LAMA1: variants seen among roughly 807,000 people sequenced by gnomAD.
The protein encoded by LAMA1 is laminin subunit alpha 1.
A neutral mutation model predicts 348.7 loss-of-function variants in LAMA1; 219 were observed. That is an observed-to-expected ratio of 0.63 (90% CI 0.56 to 0.70). The LOEUF is 0.70. Ranked by LOEUF, LAMA1 falls within the 30% of genes least tolerant of loss-of-function variation. The probability of loss-of-function intolerance (pLI) is 0.00; values close to 1 mark genes in which losing one functional copy is unlikely to be tolerated. For missense variants in LAMA1, 3,744 were observed against 3,888.0 expected, an observed-to-expected ratio of 0.96 and a Z score of 0.99; for synonymous variants, 1,487 against 1,491.0, an observed-to-expected ratio of 1.00 and a Z score of 0.06.
chr18:7,008,640 C>G (rs1304637992), intron 27 of LAMA1, 32 bp from the exon 28 acceptor site: 1 of 1,612,326 alleles, frequency 6.2e-7, no homozygotes. Flanking sequence ...AGAGGAAACG[C>G]TAACATTTGA....
At chr18:6,975,102 T>C in intron 45 of LAMA1, 66 bp from the exon 46 acceptor site, 1 of 1,546,866 alleles carries the variant, frequency 6.5e-7, no homozygotes, top group African/African-American at 1.4e-5. Context: ...ACCACAACAC[T>C]TTACAGAGTC....
chr18:7,034,057 C>T (rs570604), intron 14 of LAMA1, among the ~76,000 whole-genome samples: 69,463 of 152,026 alleles, frequency 0.46, 17,121 homozygotes, highest in African/African-American at 0.65. Context: ...AACTTTTATG[C>T]TTGGCACGGC....
chr18:6,971,118 C>T (rs1410079323), intron 48 of LAMA1, among the ~76,000 whole-genome samples: 1 of 152,200 alleles, frequency 6.6e-6, no homozygotes, highest in East Asian at 1.9e-4. Flanking sequence ...TGTTACATTT[C>T]TCTAACGGAA....
chr18:6,967,972 C>G (rs973365872), intron 48 of LAMA1, among the ~76,000 whole-genome samples: 4 of 152,108 alleles, frequency 2.6e-5, no homozygotes, highest in African/African-American at 9.7e-5. Flanking sequence ...TGAACATGAC[C>G]GAAGGCTTGT....
chr18:7,061,803 C>T (rs1340481307), intron 3 of LAMA1, among the ~76,000 whole-genome samples: 2 of 152,224 alleles, frequency 1.3e-5, no homozygotes, highest in Admixed American at 1.3e-4. Flanking sequence ...CTCCCTCCTG[C>T]ATCACAGCCT....
intron 1 of LAMA1, among the ~76,000 whole-genome samples, chr18:7,109,552 C>T (rs2058327433): frequency 6.6e-6 from 1 of 152,264 alleles, no homozygotes; most frequent in African/African-American, 2.4e-5. Context: ...TGGTATATTG[C>T]AGCCTGTGCA....
At chr18:6,985,158 A>G (rs2057728410) in intron 39 of LAMA1, 79 bp downstream of exon 39, 4 of 1,517,318 alleles carry the variant, frequency 2.6e-6, no homozygotes, top group Non-Finnish European at 3.7e-6. Context: ...GTGACCCATC[A>G]CTGTGAATAG....
intron 17 of LAMA1, 76 bp downstream of exon 17, chr18:7,025,903 C>G: frequency 6.5e-7 from 1 of 1,547,440 alleles, no homozygotes; most frequent in Non-Finnish European, 8.8e-7. Context: ...CAGTCTTGCT[C>G]TGAAGTCATT....
chr18:6,997,437 G>A (rs1448747833), intron 33 of LAMA1, among the ~76,000 whole-genome samples: 1 of 152,158 alleles, frequency 6.6e-6, no homozygotes, highest in African/African-American at 2.4e-5. Flanking sequence ...AAGAGCAAGT[G>A]GACTTGGCCT....
At chr18:7,059,902 G>A (rs184635826) in intron 3 of LAMA1, among the ~76,000 whole-genome samples, 9 of 152,314 alleles carry the variant, frequency 5.9e-5, no homozygotes, top group South Asian at 2.1e-4. Flanking sequence ...TGAAAGTGGC[G>A]ATTTTGTGCT....
In LAMA1 at chr18:7,083,004, T is replaced by TG. The variant is rs1214734982; in HGVS notation, c.62-2548dup. On this transcript the variant is annotated intron_variant, in intron 1 of 62. Coordinates refer to ENST00000389658, the MANE Select transcript of LAMA1 (RefSeq NM_005559.4). ...AGGAGGGGAGGGGGCCAGGGAGTCA[T>TG]GGAGGCACCACACACTGTGTATGCT... Among the ~76,000 whole-genome samples, 11 of 152,184 alleles carry TG rather than the reference T, an allele frequency of 7.2e-5. No homozygotes were observed. The South Asian group carries it at 1.2e-3, about 17-fold the overall frequency.
intron 36 of LAMA1, among the ~76,000 whole-genome samples, chr18:6,990,072 G>A (rs1002242292): frequency 6.6e-6 from 1 of 152,204 alleles, no homozygotes; most frequent in African/African-American, 2.4e-5. Context: ...TCATGTTCAA[G>A]TCATTAAGGA....
Position 6,949,157 on chromosome 18 carries a change from C to T in LAMA1, c.8500G>A (p.Gly2834Ser), listed in dbSNP as rs1221153244. ...VGDGTMLDVE[G>S]LFYLGGLPSQ... ...GGCAGGCCTCCTAGGTAGAACAAAC[C>T]CTCCACATCCAGCATGGTTCCATCT... is the stretch of plus-strand genomic sequence containing the variant. The change falls in exon 59 of 63, where the codon GGT becomes AGT. Residue 2834 changes from glycine to serine, a missense_variant. Transcript: ENST00000389658. 1 of 1,614,146 alleles carries T rather than the reference C, an allele frequency of 6.2e-7. No individual in the cohort carries two copies. Among genetic ancestry groups the T allele is most frequent in the South Asian group, 1.1e-5 (1 of 91,076 alleles).
intron 1 of LAMA1, among the ~76,000 whole-genome samples, chr18:7,085,401 C>T (rs1454764282): frequency 8.9e-4 from 103 of 115,378 alleles, no homozygotes; most frequent in African/African-American, 4.6e-3. Context: ...CTCTTTTTTT[C>T]TTCTTCTTCT....
At chr18:7,063,673 A>G (rs1598302487) in intron 3 of LAMA1, among the ~76,000 whole-genome samples, 1 of 152,340 alleles carries the variant, frequency 6.6e-6, no homozygotes, top group Middle Eastern at 3.4e-3. Context: ...CAGTCTTTAA[A>G]AGGAAGGAAA....
At position 6,993,657 on chromosome 18, in the gene LAMA1, C is replaced by T. The variant is rs199626631; in HGVS notation, c.4992G>A (p.Leu1664=). 1 of 1,612,504 alleles carries T rather than the reference C, an allele frequency of 6.2e-7. No individual in the cohort carries two copies. The highest frequency in any genetic ancestry group is 2.2e-5 in the East Asian group (1 of 44,868). Residue 1664 remains leucine, a synonymous_variant, in exon 35 of 63, where the codon CTG becomes CTA. Transcript: ENST00000389658. ...CCACACTACCTGTGATGCTCATCTG[C>T]AGCCTCTCAATGGCTATGGCCAGGT... The part of the protein sequence containing the change: ...SQDLAIAIER[L]QMSITEIMEK...
intron 31 of LAMA1, 78 bp from the exon 32 acceptor site, chr18:6,999,716 C>T: frequency 1.5e-6 from 2 of 1,314,882 alleles, no homozygotes; most frequent in Admixed American, 1.9e-5. Context: ...TCATTTCCGC[C>T]AAATGAAATG....
intron 28 of LAMA1, among the ~76,000 whole-genome samples, chr18:7,008,088 C>CAT (rs918851536): frequency 1.6e-4 from 24 of 151,558 alleles, no homozygotes; most frequent in East Asian, 9.7e-4. Flanking sequence ...ATGTGCCATG[C>CAT]ATATATATAT....
At chr18:7,112,138 T>C (rs991799389) in intron 1 of LAMA1, among the ~76,000 whole-genome samples, 2 of 152,158 alleles carry the variant, frequency 1.3e-5, no homozygotes, top group Non-Finnish European at 2.9e-5. Flanking sequence ...CTTTTAGAAG[T>C]AGTACAATGC....
Sources: allele counts gnomAD v4.1 joint callset (sites outside exome capture counted in the v4.1 genomes callset), GRCh38; gene constraint gnomAD v4.1.1; transcripts MANE v1.5; gene names NCBI Gene and HGNC (gene_info 2026-07-23, HGNC 2026-07-21).